NAALAD2: variants seen among roughly 807,000 people sequenced by gnomAD.
NAALAD2 encodes N-acetylated alpha-linked acidic dipeptidase 2.
A neutral mutation model predicts 95.6 loss-of-function variants in NAALAD2; 89 were observed. The observed-to-expected ratio is 0.93, with a 90% CI of 0.78 to 1.11. NAALAD2 has a LOEUF of 1.11. NAALAD2 is among the 50% of genes least tolerant of loss of function. The pLI is 0.00. For missense variants in NAALAD2, 894 were observed against 872.4 expected (o/e 1.02, Z -0.31); for synonymous variants, 264 against 294.4 (o/e 0.90, Z 1.06).
At chr11:90,137,523 A>G (rs1016359110) in intron 2 of NAALAD2, among the ~76,000 whole-genome samples, 22 of 152,250 alleles carry the variant, frequency 1.4e-4, no homozygotes, top group Admixed American at 7.8e-4. Context: ...AAAATAAATA[A>G]TTTTAGAAGT....
chr11:90,168,970 C>T lies in NAALAD2; in HGVS notation c.1320C>T (p.Ile440=), dbSNP rs1222917017. 2.5e-6 allele frequency: 4 copies of T among 1,605,474 alleles called. No homozygotes were observed. The change falls in exon 12 of 19, where the codon ATC becomes ATT. Residue 440 remains isoleucine, a synonymous_variant. Transcript: ENST00000534061. ...TCCAGGAGAGAAGCATTGCTTATAT[C>T]AACTCGGATTCATCTATAGAAGGTA... ...KILQERSIAY[I]NSDSSIEGNY...
At chr11:90,175,850 T>G (rs1198665804) in intron 14 of NAALAD2, 122 bp from the exon 15 acceptor site, 3 of 463,962 alleles carry the variant, frequency 6.5e-6, no homozygotes, top group African/African-American at 4.0e-5. Context: ...TTCTTATAAA[T>G]GTAATATATA....
chr11:90,179,091 T>C (rs150453854), intron 16 of NAALAD2, among the ~76,000 whole-genome samples: 236 of 152,352 alleles, frequency 1.5e-3, no homozygotes, highest in Non-Finnish European at 2.2e-3. Context: ...AAAGAACATA[T>C]CATGTTTCAA....
At chr11:90,148,338 A>G (rs926730073) in intron 3 of NAALAD2, among the ~76,000 whole-genome samples, 7 of 152,182 alleles carry the variant, frequency 4.6e-5, no homozygotes, top group Non-Finnish European at 1.0e-4. Context: ...GGACTTGATT[A>G]GTGATTGACT....
At chr11:90,143,127 A>G (rs1030742487) in intron 2 of NAALAD2, among the ~76,000 whole-genome samples, 2 of 152,122 alleles carry the variant, frequency 1.3e-5, no homozygotes, top group Admixed American at 6.6e-5. Flanking sequence ...TTGTAAACCA[A>G]TTAAAGTTAA....
intron 14 of NAALAD2, 49 bp downstream of exon 14, chr11:90,173,964 C>A: frequency 8.6e-7 from 1 of 1,167,954 alleles, no homozygotes; most frequent in South Asian, 1.3e-5. Flanking sequence ...GTTATGAATT[C>A]CCCTCTGCCT....
chr11:90,170,003 G>C (rs1952585952), intron 12 of NAALAD2, 66 bp from the exon 13 acceptor site: 2 of 961,130 alleles, frequency 2.1e-6, no homozygotes, highest in African/African-American at 1.6e-5. Context: ...AATAAAGTTA[G>C]AATTAAACAA....
intron 6 of NAALAD2, among the ~76,000 whole-genome samples, chr11:90,155,399 TATATATA>T (rs1169319518): frequency 0.028 from 2,386 of 86,344 alleles, 37 homozygotes; most frequent in East Asian, 0.073. Flanking sequence ...TAATATATAA[TATATATA>T]ATGTAATATT....
chr11:90,155,186 G>A (rs1952024585), intron 6 of NAALAD2, among the ~76,000 whole-genome samples: 1 of 125,990 alleles, frequency 7.9e-6, no homozygotes, highest in Admixed American at 9.4e-5. Context: ...TACATAATAT[G>A]TATATATGTG....
Position 90,177,814 on chromosome 11 carries a change from T to A in NAALAD2, c.1594-39T>A, listed in dbSNP as rs765105537. 5 of 1,533,272 alleles carry A rather than the reference T, an allele frequency of 3.3e-6. No homozygotes were observed. In the Admixed American group the frequency reaches 6.2e-5, roughly 19 times the overall value. The allele number at this position is 1,533,272 out of a possible 1,614,324, so 95.0% of individuals were successfully genotyped here. ...ATAAAAATATTATAACTTGAATATT[T>A]AATGTTTATTTATACTTGCCTCTCC... On this transcript the variant is annotated intron_variant, in intron 15 of 18. Transcript: ENST00000534061.
chr11:90,181,718 T>A lies in NAALAD2; in HGVS notation c.1940+17T>A. 142 of 1,278,556 alleles carry A rather than the reference T, an allele frequency of 1.1e-4. No individual in the cohort carries two copies. The highest frequency in any genetic ancestry group is 1.4e-4 in the Non-Finnish European group (131 of 926,276). 79.2% of individuals were successfully genotyped at this position (1,278,556 alleles called of 1,614,324 possible). ...TCTTAACAAGTAAGTTTCAAATCCC[T>A]TTTTTTTTAAAAAAAAAAAAAAAAG... On this transcript the variant is annotated intron_variant, in intron 17 of 18. Transcript: ENST00000534061.
chr11:90,158,309 A>T, intron 7 of NAALAD2, 71 bp downstream of exon 7: 1 of 1,092,030 alleles, frequency 9.2e-7, no homozygotes, highest in Non-Finnish European at 1.4e-6. Flanking sequence ...TTGAAAACCA[A>T]TATGGCATTC....
At position 90,181,603 on chromosome 11, in the gene NAALAD2, T is replaced by C. The variant is rs1952969859; in HGVS notation, c.1859-17T>C. The C allele has an allele frequency of 2.6e-6, 4 of 1,548,236 alleles. No homozygotes were observed. The highest frequency in any genetic ancestry group is 3.5e-6 in the Non-Finnish European group (4 of 1,127,560). On this transcript the variant is annotated splice_polypyrimidine_tract_variant and intron_variant, in intron 16 of 18. Transcript: ENST00000534061. ...ATATGAGCTAATTTCTCTTCTTCTT[T>C]TCTATTTTTAAAAAAGACTCCTTAT...
chr11:90,183,137 G>A (rs149877707), intron 18 of NAALAD2, 129 bp downstream of exon 18: 7 of 602,534 alleles, frequency 1.2e-5, no homozygotes, highest in African/African-American at 1.8e-5. Flanking sequence ...GGGTAAGATT[G>A]TACATTTAAT....
chr11:90,138,749 T>TA, intron 2 of NAALAD2, among the ~76,000 whole-genome samples: 1 of 113,048 alleles, frequency 8.8e-6, no homozygotes, highest in Non-Finnish European at 1.8e-5. Context: ...TTTTTTTTTT[T>TA]TTTTTTTTTT....
At chr11:90,170,615 A>C (rs558371374) in intron 13 of NAALAD2, among the ~76,000 whole-genome samples, 1 of 152,344 alleles carries the variant, frequency 6.6e-6, no homozygotes, top group South Asian at 2.1e-4. Context: ...TAAATGAGGA[A>C]TTAGAATTCA....
At chr11:90,175,907 C>A in intron 14 of NAALAD2, 65 bp from the exon 15 acceptor site, 1 of 965,346 alleles carries the variant, frequency 1.0e-6, no homozygotes, top group Non-Finnish European at 1.6e-6. Flanking sequence ...ATCTATTTAA[C>A]TTTGTATCAT....
At chr11:90,170,877 A>G (rs72956854) in intron 13 of NAALAD2, among the ~76,000 whole-genome samples, 6,621 of 152,268 alleles carry the variant, frequency 0.043, 177 homozygotes, top group Middle Eastern at 0.11. Flanking sequence ...GGCCAAGCCA[A>G]AGGCGTTGGT....
At chr11:90,152,169 C>T (rs1196108690) in intron 5 of NAALAD2, 129 bp from the exon 6 acceptor site, 6 of 783,030 alleles carry the variant, frequency 7.7e-6, no homozygotes, top group East Asian at 2.9e-5. Context: ...GCCAAGAGAA[C>T]TGAATGTGTA....
Sources: gnomAD v4.1 joint callset for allele counts (sites outside exome capture counted in the v4.1 genomes callset) on GRCh38, gnomAD v4.1.1 for gene constraint, MANE v1.5 for transcripts, NCBI Gene and HGNC (gene_info 2026-07-23, HGNC 2026-07-21) for gene names.